Variants in RNASEH2B observed in about 807,000 individuals in gnomAD.
RNASEH2B encodes the protein Aicardi-Goutieres syndrome 2 protein.
Under a neutral mutation model 45.0 loss-of-function variants are expected in RNASEH2B, and 36 were observed. The ratio of observed to expected loss-of-function variants is 0.80; its 90% CI spans 0.61 to 1.06. RNASEH2B has a LOEUF of 1.06. Ranked by LOEUF, RNASEH2B falls within the 50% of genes least tolerant of loss-of-function variation. The pLI is 0.00. For synonymous variants in RNASEH2B, 119 were observed against 125.7 expected (o/e 0.95, Z 0.35); for missense variants, 361 against 360.3 (o/e 1.00, Z -0.02).
intron 1 of RNASEH2B, among the ~76,000 whole-genome samples, chr13:50,922,778 A>C (rs1486851441): frequency 6.6e-6 from 1 of 152,224 alleles, no homozygotes; most frequent in Non-Finnish European, 1.5e-5. Context: ...TGAGACATAC[A>C]TACACAAACA....
chr13:50,933,943 A>G (rs576155366), intron 4 of RNASEH2B: 38 of 152,280 alleles, frequency 2.5e-4, no homozygotes, highest in African/African-American at 8.7e-4. Flanking sequence ...ATGGCAAGCT[A>G]TCACGTGTTC....
At chr13:50,927,500 T>G in intron 2 of RNASEH2B, 22 bp downstream of exon 2, 1 of 1,448,812 alleles carries the variant, frequency 6.9e-7, no homozygotes. Context: ...TCTCATAACT[T>G]GAATGTTCTT....
intron 5 of RNASEH2B, among the ~76,000 whole-genome samples, chr13:50,940,028 T>G (rs1172021396): frequency 1.3e-5 from 2 of 152,208 alleles, no homozygotes; most frequent in African/African-American, 4.8e-5. Context: ...TAAAATGATA[T>G]AGCCACTTGA....
At position 50,913,696 on chromosome 13, in the gene RNASEH2B, A is replaced by G. The variant is rs141476460; in HGVS notation, c.64+3556A>G. On this transcript the variant is annotated intron_variant, in intron 1 of 10. Transcript: ENST00000336617. The stretch of plus-strand genomic sequence containing the variant: ...TTCATGAATATACATGTTAAAAAGT[A>G]TTTTAGGAAAGATTGCACTTATTAT... 4.4e-3 allele frequency among the ~76,000 whole-genome samples: 676 copies of G among 152,292 alleles called. 4 individuals carry two copies. Among genetic ancestry groups the G allele is most frequent in the African/African-American group, 0.015 (632 of 41,550 alleles).
chr13:50,954,169 A>G (rs530808995), intron 10 of RNASEH2B, 184 bp downstream of exon 10: 60 of 647,582 alleles, frequency 9.3e-5, no homozygotes, highest in African/African-American at 9.1e-4. Flanking sequence ...AGCAACTAAG[A>G]CTTATTATTA....
At chr13:50,918,388 C>T (rs569750951) in intron 1 of RNASEH2B, among the ~76,000 whole-genome samples, 1 of 152,208 alleles carries the variant, frequency 6.6e-6, no homozygotes, top group African/African-American at 2.4e-5. Flanking sequence ...CCGCCCGCCT[C>T]GGCCTCCCAA....
intron 8 of RNASEH2B, 37 bp downstream of exon 8, chr13:50,948,105 A>G (rs1206257657): frequency 1.9e-6 from 3 of 1,606,832 alleles, no homozygotes; most frequent in Admixed American, 1.7e-5. Flanking sequence ...ATGAAGTACC[A>G]TTTGCTTCTT....
chr13:50,955,452 C>T (rs1489695304), intron 10 of RNASEH2B: 2 of 152,116 alleles, frequency 1.3e-5, no homozygotes, highest in Non-Finnish European at 2.9e-5. Context: ...CACTTGGGCA[C>T]AGCATGGAGA....
chr13:50,937,388 A>G (rs1210012433), intron 5 of RNASEH2B: 1 of 151,770 alleles, frequency 6.6e-6, no homozygotes, highest in Non-Finnish European at 1.5e-5. Flanking sequence ...CACCTGGCTA[A>G]TTTTTTCATT....
downstream of RNASEH2B, among the ~76,000 whole-genome samples, chr13:50,958,013 G>T (rs1227210963): frequency 1.3e-5 from 2 of 152,042 alleles, no homozygotes; most frequent in Non-Finnish European, 2.9e-5. Context: ...TCTTTTGTCA[G>T]TTGCATAGTT....
At chr13:50,963,425 A>T (rs1406891945) in intron 9 of RNASEH2B, among the ~76,000 whole-genome samples, 4 of 152,026 alleles carry the variant, frequency 2.6e-5, no homozygotes, top group Non-Finnish European at 5.9e-5. Flanking sequence ...CAGCCTCCCA[A>T]AGTGCTGGGA....
At chr13:50,928,723 G>T (rs1292861868) in intron 2 of RNASEH2B, among the ~76,000 whole-genome samples, 1 of 151,946 alleles carries the variant, frequency 6.6e-6, no homozygotes, top group African/African-American at 2.4e-5. Context: ...GTTCAGTATT[G>T]TCTCCATTTT....
chr13:50,914,628 C>T (rs557530455), intron 1 of RNASEH2B, among the ~76,000 whole-genome samples: 1 of 152,292 alleles, frequency 6.6e-6, no homozygotes, highest in South Asian at 2.1e-4. Context: ...GGATCTGCTC[C>T]CCTTGCTATC....
At chr13:50,924,776 G>A (rs943679366) in intron 1 of RNASEH2B, among the ~76,000 whole-genome samples, 3 of 152,134 alleles carry the variant, frequency 2.0e-5, no homozygotes, top group African/African-American at 7.2e-5. Flanking sequence ...TTGAACTCCT[G>A]GGCTCAAGCA....
At chr13:50,943,095 G>T in intron 5 of RNASEH2B, 1 of 448,320 alleles carries the variant, frequency 2.2e-6, no homozygotes, top group Non-Finnish European at 4.0e-6. Flanking sequence ...TAATTTGAAG[G>T]TTTTCTTAAA....
intron 9 of RNASEH2B, among the ~76,000 whole-genome samples, chr13:50,964,338 C>T (rs1324580810): frequency 1.3e-5 from 2 of 152,236 alleles, no homozygotes; most frequent in African/African-American, 2.4e-5. Flanking sequence ...ATTTCTTTTA[C>T]GATCATTTCA....
chr13:50,948,141 T>A, intron 8 of RNASEH2B, 73 bp downstream of exon 8: 1 of 1,594,990 alleles, frequency 6.3e-7, no homozygotes, highest in South Asian at 1.1e-5. Flanking sequence ...GGGGTTTCCT[T>A]ATGGCTTATC....
chr13:50,931,321 T>C (rs1042595014), intron 4 of RNASEH2B, among the ~76,000 whole-genome samples: 1 of 152,206 alleles, frequency 6.6e-6, no homozygotes, highest in Non-Finnish European at 1.5e-5. Flanking sequence ...GGTCTCAGGA[T>C]ACATTTACAA....
chr13:50,970,148 A>G, exon 10 of RNASEH2B: 1 of 673,352 alleles, frequency 1.5e-6, no homozygotes, highest in Non-Finnish European at 2.6e-6. Context: ...GGGCAGCGGC[A>G]TTCCTCCCTG....
Sources: gnomAD v4.1 joint callset for allele counts (sites outside exome capture counted in the v4.1 genomes callset) on GRCh38, gnomAD v4.1.1 for gene constraint, MANE v1.5 for transcripts, NCBI Gene and HGNC (gene_info 2026-07-23, HGNC 2026-07-21) for gene names.